The following FBXL17 variants were observed in gnomAD, a reference collection of about 807,000 sequenced individuals.
FBXL17 encodes F-box and leucine rich repeat protein 17, also known as F-box/LRR-repeat protein 17.
In FBXL17, 22 loss-of-function variants were observed where a neutral mutation model predicts 66.2. That is an observed-to-expected ratio of 0.33 (90% CI 0.24 to 0.47). FBXL17 has a LOEUF of 0.47. FBXL17 is among the 20% of genes least tolerant of loss of function. The probability of loss-of-function intolerance (pLI) is 1.00; values close to 1 mark genes in which losing one functional copy is unlikely to be tolerated. For missense variants in FBXL17, 878 were observed against 948.2 expected (o/e 0.93, Z 0.97); for synonymous variants, 474 against 400.5 (o/e 1.18, Z -2.19).
At chr5:108,000,472 C>T (rs1485379690) in intron 7 of FBXL17, among the ~76,000 whole-genome samples, 3 of 152,138 alleles carry the variant, frequency 2.0e-5, no homozygotes, top group Non-Finnish European at 4.4e-5. Flanking sequence ...CAAGGAAAAT[C>T]CAGTCTGTTC....
At chr5:108,027,832 T>G (rs573837615) in intron 6 of FBXL17, among the ~76,000 whole-genome samples, 1 of 152,236 alleles carries the variant, frequency 6.6e-6, no homozygotes, top group Non-Finnish European at 1.5e-5. Flanking sequence ...ATTCACCAGT[T>G]TATTCATTCT....
At chr5:107,935,407 A>ATG (rs1180619112) in intron 7 of FBXL17, among the ~76,000 whole-genome samples, 584 of 31,170 alleles carry the variant, frequency 0.019, 5 homozygotes, top group African/African-American at 0.093. Context: ...CTTTATATAT[A>ATG]TATATGTGTG....
At chr5:107,864,267 T>C (rs1479565423) in intron 8 of FBXL17, among the ~76,000 whole-genome samples, 3 of 152,178 alleles carry the variant, frequency 2.0e-5, no homozygotes, top group Non-Finnish European at 4.4e-5. Context: ...CAATTCTCTA[T>C]AGCATTAATC....
At chr5:108,111,808 T>C (rs1031702732) in intron 6 of FBXL17, among the ~76,000 whole-genome samples, 2 of 152,226 alleles carry the variant, frequency 1.3e-5, no homozygotes, top group African/African-American at 4.8e-5. Flanking sequence ...TGTTTACAAA[T>C]GGATTGATTA....
chr5:108,326,319 G>A lies in FBXL17; in HGVS notation c.1506+22080C>T, dbSNP rs868501327. ...AAATAGGCAGAAGATTTGGCTGGGC[G>A]CAGTGGCTCACATCTGTAATCACAG... On this transcript the variant is annotated intron_variant, in intron 4 of 8. Coordinates refer to ENST00000542267, the MANE Select transcript of FBXL17 (RefSeq NM_001163315.3). 1.2e-4 allele frequency among the ~76,000 whole-genome samples: 19 copies of A among 152,134 alleles called. No homozygotes were observed. In the South Asian group the frequency reaches 2.9e-3, roughly 23 times the overall value.
chr5:107,879,491 T>C (rs2112498589), intron 8 of FBXL17: 5 of 985,458 alleles, frequency 5.1e-6, no homozygotes, highest in Non-Finnish European at 6.0e-6. Context: ...ACAAAGTAAG[T>C]CGCTTCTGGG....
chr5:108,199,510 C>A (rs1382924341), intron 5 of FBXL17, among the ~76,000 whole-genome samples: 1 of 152,162 alleles, frequency 6.6e-6, no homozygotes, highest in African/African-American at 2.4e-5. Context: ...TCTTGGAATT[C>A]ATCATGAACT....
chr5:107,994,608 G>A (rs1753391077), intron 7 of FBXL17, among the ~76,000 whole-genome samples: 1 of 152,172 alleles, frequency 6.6e-6, no homozygotes, highest in Non-Finnish European at 1.5e-5. Flanking sequence ...GGGAGGCTGA[G>A]GTGGGTGGAT....
intron 8 of FBXL17, among the ~76,000 whole-genome samples, chr5:107,872,044 C>G (rs1386494670): frequency 6.6e-6 from 1 of 152,144 alleles, no homozygotes; most frequent in African/African-American, 2.4e-5. Context: ...ATTGCCATTT[C>G]CATTATGCAG....
In FBXL17 at chr5:108,364,850, C is replaced by A; in HGVS notation, c.1262G>T (p.Arg421Met). ...CPGLLRYTAY[R>M]CKQLSDTSII... ...AGAGGTGTCAGAAAGCTGTTTACACCTGTAGGCTGTATACCTAAGAAGTCC... is the reference window on the plus strand; with the variant it reads ...AGAGGTGTCAGAAAGCTGTTTACACATGTAGGCTGTATACCTAAGAAGTCC... The change falls in exon 3 of 9, where the codon AGG becomes ATG. Residue 421 changes from arginine (R) to methionine (M), a missense_variant. Coordinates refer to ENST00000542267, the MANE Select transcript of FBXL17 (RefSeq NM_001163315.3). 6.2e-7 allele frequency: 1 copy of A among 1,613,112 alleles called. No individual in the cohort carries two copies. Among genetic ancestry groups the A allele is most frequent in the Non-Finnish European group, 8.5e-7 (1 of 1,179,354 alleles).
chr5:108,196,260 G>A (rs1753677931), intron 5 of FBXL17, among the ~76,000 whole-genome samples: 1 of 151,728 alleles, frequency 6.6e-6, no homozygotes, highest in Admixed American at 6.6e-5. Context: ...TATAGCAATA[G>A]TGTCCCCCAG....
intron 4 of FBXL17, among the ~76,000 whole-genome samples, chr5:108,294,312 CTGACAGTAG>C (rs1413125129): frequency 6.8e-6 from 1 of 147,622 alleles, no homozygotes; most frequent in Non-Finnish European, 1.5e-5. Flanking sequence ...TATACACTTA[CTGACAGTAG>C]TGTTCAAAAT....
chr5:108,328,136 C>G (rs1279981024), intron 4 of FBXL17, among the ~76,000 whole-genome samples: 1 of 152,096 alleles, frequency 6.6e-6, no homozygotes, highest in Non-Finnish European at 1.5e-5. Context: ...GTCCCTTTGT[C>G]TGGCCTGGCC....
chr5:108,158,190 A>G (rs1752067802), intron 6 of FBXL17, among the ~76,000 whole-genome samples: 1 of 152,158 alleles, frequency 6.6e-6, no homozygotes, highest in Non-Finnish European at 1.5e-5. Flanking sequence ...TATTAAAATT[A>G]TTAAGTTCAG....
At chr5:108,061,076 C>T (rs286758) in intron 6 of FBXL17, among the ~76,000 whole-genome samples, 7,147 of 151,984 alleles carry the variant, frequency 0.047, 580 homozygotes, top group African/African-American at 0.16. Flanking sequence ...CACCTGAGGT[C>T]AGGAGTTCAA....
intron 3 of FBXL17, among the ~76,000 whole-genome samples, chr5:108,357,500 A>G (rs1241093571): frequency 6.6e-6 from 1 of 152,072 alleles, no homozygotes; most frequent in Non-Finnish European, 1.5e-5. Context: ...ATGGACATCT[A>G]GAGACCACTT....
At chr5:108,322,256 T>C (rs1297700173) in intron 4 of FBXL17, among the ~76,000 whole-genome samples, 1 of 151,982 alleles carries the variant, frequency 6.6e-6, no homozygotes, top group East Asian at 1.9e-4. Flanking sequence ...ATAATTTATT[T>C]AATTGCAAAA....
chr5:108,313,696 T>C (rs1208882909), intron 4 of FBXL17, among the ~76,000 whole-genome samples: 5 of 152,120 alleles, frequency 3.3e-5, no homozygotes, highest in African/African-American at 7.2e-5. Context: ...TATTAAGATA[T>C]GGATTACTGT....
intron 4 of FBXL17, among the ~76,000 whole-genome samples, chr5:108,231,968 A>G (rs1755362793): frequency 6.7e-6 from 1 of 150,068 alleles, no homozygotes; most frequent in Non-Finnish European, 1.5e-5. Context: ...GGGTCACTGT[A>G]CCAGGAAAAA....
Sources: gnomAD v4.1 joint callset for allele counts (sites outside exome capture counted in the v4.1 genomes callset) on GRCh38, gnomAD v4.1.1 for gene constraint, MANE v1.5 for transcripts, NCBI Gene and HGNC (gene_info 2026-07-23, HGNC 2026-07-21) for gene names.